RPS6KC1: variants seen among roughly 807,000 people sequenced by gnomAD.
The protein encoded by RPS6KC1 is inactive ribosomal protein S6 kinase delta-1.
In RPS6KC1, 54 loss-of-function variants were observed where a neutral mutation model predicts 103.8. The observed-to-expected ratio is 0.52, with a 90% confidence interval of 0.42 to 0.65. RPS6KC1 has a LOEUF of 0.65. Among genes scored for constraint, RPS6KC1 ranks in the 30% least tolerant of loss-of-function variants. RPS6KC1 has a pLI of 0.00. For synonymous variants in RPS6KC1, 439 were observed against 438.7 expected (o/e 1.00, Z -0.01); for missense variants, 1,151 against 1,253.8 (o/e 0.92, Z 1.24).
chr1:213,486,444 A>C, the RPS6KC1 span, among the ~76,000 whole-genome samples: 127 of 152,240 alleles, frequency 8.3e-4, no homozygotes, highest in African/African-American at 2.7e-3. Context: ...GGGACCAATG[A>C]GGCTTTAAAG....
the RPS6KC1 span, among the ~76,000 whole-genome samples, chr1:213,394,592 A>G: frequency 6.6e-6 from 1 of 152,120 alleles, no homozygotes; most frequent in Non-Finnish European, 1.5e-5. Context: ...TCTGTGCCTC[A>G]GCTTCCTCCT....
At chr1:213,515,638 T>C in the RPS6KC1 span, among the ~76,000 whole-genome samples, 2 of 152,188 alleles carry the variant, frequency 1.3e-5, no homozygotes, top group Non-Finnish European at 1.5e-5. Context: ...TGTAGCCTTG[T>C]AGTATAGTTT....
At chr1:213,807,161 A>T in the RPS6KC1 span, among the ~76,000 whole-genome samples, 1 of 152,272 alleles carries the variant, frequency 6.6e-6, no homozygotes, top group South Asian at 2.1e-4. Flanking sequence ...TGTTAGTCTG[A>T]TGGGCTTCCC....
At chr1:213,636,405 A>C in the RPS6KC1 span, among the ~76,000 whole-genome samples, 10 of 152,232 alleles carry the variant, frequency 6.6e-5, no homozygotes, top group Non-Finnish European at 1.3e-4. Context: ...TGGTACTGGT[A>C]CCAAAACAGT....
chr1:213,575,708 T>C, the RPS6KC1 span, among the ~76,000 whole-genome samples: 2 of 152,166 alleles, frequency 1.3e-5, no homozygotes, highest in East Asian at 3.8e-4. Context: ...ATTAGCAGTA[T>C]GAGAACAGAG....
chr1:213,710,246 A>C, the RPS6KC1 span, among the ~76,000 whole-genome samples: 2 of 152,146 alleles, frequency 1.3e-5, no homozygotes, highest in African/African-American at 4.8e-5. Flanking sequence ...TTCTTGTTGC[A>C]TTGGTCACTT....
the RPS6KC1 span, among the ~76,000 whole-genome samples, chr1:213,759,825 G>C: frequency 4.6e-5 from 7 of 152,296 alleles, no homozygotes; most frequent in South Asian, 1.0e-3. Flanking sequence ...AGTGATCAAG[G>C]CTCCATCTTC....
chr1:213,790,120 C>A, the RPS6KC1 span, among the ~76,000 whole-genome samples: 1 of 152,170 alleles, frequency 6.6e-6, no homozygotes, highest in South Asian at 2.1e-4. Flanking sequence ...ACCAACCCAG[C>A]ATTCCAAAGT....
chr1:213,278,893 T>C (rs963277541), downstream of RPS6KC1, among the ~76,000 whole-genome samples: 7 of 151,972 alleles, frequency 4.6e-5, no homozygotes, highest in Non-Finnish European at 1.0e-4. Context: ...TTTTTTTTCC[T>C]TTTTTTATAT....
At chr1:213,382,257 C>T in the RPS6KC1 span, among the ~76,000 whole-genome samples, 1 of 152,178 alleles carries the variant, frequency 6.6e-6, no homozygotes, top group East Asian at 1.9e-4. Flanking sequence ...GCTCAGAGAT[C>T]TGGATGCTGG....
chr1:213,269,459 A>G (rs1573738001), intron 14 of RPS6KC1, among the ~76,000 whole-genome samples: 1 of 152,342 alleles, frequency 6.6e-6, no homozygotes, highest in East Asian at 1.9e-4. Flanking sequence ...TCACCCAGTG[A>G]CTGCGGAACA....
the RPS6KC1 span, among the ~76,000 whole-genome samples, chr1:213,432,718 T>A: frequency 6.6e-6 from 1 of 151,066 alleles, no homozygotes; most frequent in African/African-American, 2.4e-5. Context: ...GAATTTTACA[T>A]AAAAGAATCA....
intron 5 of RPS6KC1, 61 bp from the exon 6 acceptor site, chr1:213,129,466 T>A: frequency 6.8e-7 from 1 of 1,468,344 alleles, no homozygotes; most frequent in Non-Finnish European, 9.2e-7. Context: ...TTAGCATGAT[T>A]TGTATTCGTT....
chr1:213,359,871 G>A, the RPS6KC1 span, among the ~76,000 whole-genome samples: 8 of 152,322 alleles, frequency 5.3e-5, no homozygotes, highest in Non-Finnish European at 8.8e-5. Context: ...CTTTAAGAAC[G>A]TTGAATATTG....
the RPS6KC1 span, among the ~76,000 whole-genome samples, chr1:213,475,518 G>A: frequency 4.6e-5 from 7 of 152,258 alleles, no homozygotes; most frequent in African/African-American, 1.7e-4. Flanking sequence ...TCTCTCAGAA[G>A]TCTCATGTGA....
At chr1:213,826,345 C>T in the RPS6KC1 span, among the ~76,000 whole-genome samples, 13 of 152,024 alleles carry the variant, frequency 8.6e-5, no homozygotes, top group Non-Finnish European at 1.8e-4. Context: ...TCACTATAAA[C>T]AAGTAATCAC....
At chr1:213,148,743 T>C (rs1244717576) in intron 6 of RPS6KC1, among the ~76,000 whole-genome samples, 3 of 152,134 alleles carry the variant, frequency 2.0e-5, no homozygotes, top group Admixed American at 6.5e-5. Context: ...ATAGTTTGAG[T>C]AGGATTGGTA....
At chr1:213,721,832 T>C in the RPS6KC1 span, among the ~76,000 whole-genome samples, 1 of 152,168 alleles carries the variant, frequency 6.6e-6, no homozygotes, top group Non-Finnish European at 1.5e-5. Context: ...CTCTCTCTTT[T>C]TATGTCTCTC....
At chr1:213,195,848 A>G (rs4951665) in intron 8 of RPS6KC1, among the ~76,000 whole-genome samples, 65,138 of 142,120 alleles carry the variant, frequency 0.46, 17,459 homozygotes, top group Non-Finnish European at 0.61. Flanking sequence ...GTGTGTGTGT[A>G]TATATATACC....
Sources: gnomAD v4.1 joint callset for allele counts (sites outside exome capture counted in the v4.1 genomes callset) on GRCh38, gnomAD v4.1.1 for gene constraint, MANE v1.5 for transcripts, NCBI Gene and HGNC (gene_info 2026-07-23, HGNC 2026-07-21) for gene names.